CCDC141: variants seen among roughly 807,000 people sequenced by gnomAD.
CCDC141 encodes the protein coiled-coil domain-containing protein 141.
In CCDC141, 168 loss-of-function variants were observed where a neutral mutation model predicts 181.0. The observed-to-expected ratio is 0.93, with a 90% CI of 0.82 to 1.05. CCDC141 has a LOEUF of 1.05. Among genes scored for constraint, CCDC141 ranks in the 50% least tolerant of loss-of-function variants. The pLI is 0.00. For missense variants in CCDC141, 1,902 were observed against 1,788.5 expected (o/e 1.06, Z -1.14); for synonymous variants, 666 against 642.3 (o/e 1.04, Z -0.56).
In CCDC141 at chr2:178,855,221, A is replaced by AG. The variant is rs1575133287; in HGVS notation, c.3060+125_3060+126insC. The AG allele has an allele frequency of 1.6e-5, 12 of 741,886 alleles. No individual in the cohort carries two copies. In the East Asian group the frequency reaches 3.6e-4, roughly 22 times the overall value. The allele number at this position is 741,886 out of a possible 1,614,324, so 46.0% of individuals were successfully genotyped here. A position where few individuals can be genotyped will look rare whatever the true frequency, so the allele number is the denominator to read the frequency against. ...CAGAGAATTATCCTAAGGAAAAAAA[A>AG]TCATGAAAAGGAGCATGATACATGA... On this transcript the variant is annotated intron_variant, in intron 19 of 23. Transcript: ENST00000443758.
chr2:178,992,591 A>C (rs182899074), intron 2 of CCDC141, among the ~76,000 whole-genome samples: 19 of 152,270 alleles, frequency 1.2e-4, no homozygotes, highest in African/African-American at 4.6e-4. Context: ...CTTGTATGCA[A>C]TTAGGTTAGA....
chr2:178,938,391 T>C (rs1249980671), intron 6 of CCDC141, among the ~76,000 whole-genome samples: 1 of 152,160 alleles, frequency 6.6e-6, no homozygotes, highest in Admixed American at 6.6e-5. Flanking sequence ...AATTTTCATG[T>C]AATTGCATGG....
chr2:179,011,703 A>C (rs944327975), intron 2 of CCDC141, among the ~76,000 whole-genome samples: 4 of 152,198 alleles, frequency 2.6e-5, no homozygotes, highest in African/African-American at 4.8e-5. Flanking sequence ...AACTTTATCC[A>C]AGATAGACCA....
At chr2:178,881,742 A>T (rs1323869783) in intron 11 of CCDC141, among the ~76,000 whole-genome samples, 3 of 151,988 alleles carry the variant, frequency 2.0e-5, no homozygotes, top group Non-Finnish European at 2.9e-5. Context: ...AAATACAAAA[A>T]AATTAGCTGG....
At chr2:179,005,618 G>A (rs1456911624) in intron 2 of CCDC141, among the ~76,000 whole-genome samples, 3 of 152,042 alleles carry the variant, frequency 2.0e-5, no homozygotes, top group Admixed American at 6.6e-5. Flanking sequence ...TACTGTGTTT[G>A]TGTTTCTTTC....
chr2:178,998,402 T>A (rs1371010505), intron 2 of CCDC141, among the ~76,000 whole-genome samples: 1 of 152,194 alleles, frequency 6.6e-6, no homozygotes, highest in East Asian at 1.9e-4. Flanking sequence ...CTCTTAAGTA[T>A]AATAGTACAT....
At chr2:179,047,886 G>A (rs746815517) in intron 1 of CCDC141, among the ~76,000 whole-genome samples, 1 of 152,124 alleles carries the variant, frequency 6.6e-6, no homozygotes. Context: ...GGCCTTGCTG[G>A]TTTAGCTGAA....
Position 178,961,457 on chromosome 2 carries a change from A to G in CCDC141, c.553T>C (p.Leu185=), listed in dbSNP as rs781075626. 3.9e-6 allele frequency: 6 copies of G among 1,550,156 alleles called. No homozygotes were observed. Among genetic ancestry groups the G allele is most frequent in the South Asian group, 3.6e-5 (3 of 84,042 alleles). The change falls in exon 5 of 24, where the codon TTA becomes CTA. Residue 185 remains leucine, a synonymous_variant. Coordinates refer to ENST00000443758, the MANE Select transcript of CCDC141 (RefSeq NM_173648.4). ...TCAGTGAGTTGTTGACTTTTGTTTA[A>G]AAGGGCTAAAGACCGTTCCAAGAGT... The part of the protein sequence containing the change: ...KELLERSLAL[L]NKSQQLTDFI...
rs567851839 is a variant in CCDC141, at chr2:178,835,101, T to C, written c.4326-661A>G. Reference sequence around the variant, plus strand: ...CCTAGGGTGTGAAATGGCACCCTCATGTTGTCCAGCTTTATTCTTTTTGCC... The same window carrying C: ...CCTAGGGTGTGAAATGGCACCCTCACGTTGTCCAGCTTTATTCTTTTTGCC... On this transcript the variant is annotated intron_variant, in intron 23 of 23. Transcript: ENST00000443758. Among the ~76,000 whole-genome samples, 5 of 152,264 alleles carry C rather than the reference T, an allele frequency of 3.3e-5. No individual in the cohort carries two copies. In the South Asian group the frequency reaches 1.0e-3, roughly 32 times the overall value.
intron 21 of CCDC141, among the ~76,000 whole-genome samples, chr2:178,847,498 T>C (rs1281512384): frequency 3.9e-5 from 6 of 151,950 alleles, no homozygotes; most frequent in Non-Finnish European, 5.9e-5. Flanking sequence ...ACCACTACAC[T>C]CCAGCCTGGG....
At chr2:179,016,485 G>T (rs1410153364) in intron 2 of CCDC141, among the ~76,000 whole-genome samples, 1 of 152,028 alleles carries the variant, frequency 6.6e-6, no homozygotes, top group Non-Finnish European at 1.5e-5. Context: ...ATTTCTGCAG[G>T]TCTGAAATTT....
In CCDC141 at chr2:178,843,964, A is replaced by G. The variant is rs141734961; in HGVS notation, c.3474+1662T>C. On this transcript the variant is annotated intron_variant, in intron 22 of 23. Transcript: ENST00000443758. Reference sequence around the variant, plus strand: ...AATTGTAGACCTTCACTTACACCCAAAATGACTGATGCTCCAACCTTTTAG... The same window carrying G: ...AATTGTAGACCTTCACTTACACCCAGAATGACTGATGCTCCAACCTTTTAG... 2.6e-5 allele frequency among the ~76,000 whole-genome samples: 4 copies of G among 152,382 alleles called. No homozygotes were observed. In the East Asian group the frequency reaches 5.8e-4, roughly 22 times the overall value.
chr2:178,823,894 T>C, the CCDC141 span, among the ~76,000 whole-genome samples: 2 of 152,204 alleles, frequency 1.3e-5, no homozygotes, highest in Non-Finnish European at 2.9e-5. Flanking sequence ...CTCTGTATGA[T>C]ACCACTGTTA....
At chr2:179,042,351 G>A (rs182888875) in intron 2 of CCDC141, among the ~76,000 whole-genome samples, 326 of 152,244 alleles carry the variant, frequency 2.1e-3, no homozygotes, top group Admixed American at 4.1e-3. Flanking sequence ...AATCAATCAA[G>A]AAATTCTTTT....
chr2:178,936,298 C>T (rs1689287330), intron 6 of CCDC141, among the ~76,000 whole-genome samples: 1 of 151,936 alleles, frequency 6.6e-6, no homozygotes, highest in African/African-American at 2.4e-5. Flanking sequence ...GAAGGGTTCA[C>T]CTTTAATCTT....
At chr2:178,869,070 C>G (rs1263476143) in intron 15 of CCDC141, 47 bp downstream of exon 15, 2 of 1,307,918 alleles carry the variant, frequency 1.5e-6, no homozygotes, top group Non-Finnish European at 2.0e-6. Flanking sequence ...TTTTTAATTG[C>G]ATAGTTTAAA....
chr2:178,826,506 T>A (rs1684127332), downstream of CCDC141, among the ~76,000 whole-genome samples: 1 of 152,156 alleles, frequency 6.6e-6, no homozygotes, highest in African/African-American at 2.4e-5. Context: ...AATGGCTATT[T>A]TTTTCCCTTT....
At chr2:178,955,752 T>C (rs1690136085) in intron 5 of CCDC141, among the ~76,000 whole-genome samples, 1 of 152,206 alleles carries the variant, frequency 6.6e-6, no homozygotes, top group African/African-American at 2.4e-5. Flanking sequence ...TGGAGGGTGA[T>C]GTCTACATTT....
chr2:178,881,909 TCTCTCTCACA>T (rs1291253654), intron 11 of CCDC141, among the ~76,000 whole-genome samples: 29 of 107,150 alleles, frequency 2.7e-4, no homozygotes, highest in African/African-American at 1.0e-3. Context: ...TCTCTCTCTC[TCTCTCTCACA>T]CACACACACA....
Sources: allele counts gnomAD v4.1 joint callset (sites outside exome capture counted in the v4.1 genomes callset), GRCh38; gene constraint gnomAD v4.1.1; transcripts MANE v1.5; gene names NCBI Gene and HGNC (gene_info 2026-07-23, HGNC 2026-07-21).